Variants in SORCS2 observed in about 807,000 individuals in gnomAD.
SORCS2 encodes VPS10 domain-containing receptor SorCS2.
SORCS2 carries 100 observed loss-of-function variants against 141.6 expected under a neutral mutation model. The observed-to-expected ratio is 0.71, with a 90% CI of 0.60 to 0.83. The LOEUF is 0.83. Among genes scored for constraint, SORCS2 ranks in the 40% least tolerant of loss-of-function variants. The probability of loss-of-function intolerance (pLI) is 0.00; values close to 1 mark genes in which losing one functional copy is unlikely to be tolerated. For synonymous variants in SORCS2, 789 were observed against 676.9 expected, an observed-to-expected ratio of 1.17 and a Z score of -2.57; for missense variants, 1,646 against 1,560.2, an observed-to-expected ratio of 1.05 and a Z score of -0.93.
At position 7,663,968 on chromosome 4, in the gene SORCS2, G is replaced by A. The variant is rs1722340487; in HGVS notation, c.953-385G>A. Among the ~76,000 whole-genome samples the A allele has an allele frequency of 6.6e-6, 1 of 152,126 alleles. No individual in the cohort carries two copies. Among genetic ancestry groups the A allele is most frequent in the Admixed American group, 6.5e-5 (1 of 15,268 alleles). On this transcript the variant is annotated intron_variant, in intron 6 of 26. Transcript: ENST00000507866. The surrounding 1 kb of genome is among the most constrained non-coding windows in gnomAD (Gnocchi z 4.8). ...GGTAGAAGCAGTTGCTTAAAATTTG[G>A]GGGAAAAGAACCCTTGAGCCCCACC...
chr4:7,445,508 G>A (rs540311612), intron 2 of SORCS2, among the ~76,000 whole-genome samples: 33 of 152,244 alleles, frequency 2.2e-4, no homozygotes, highest in African/African-American at 5.3e-4. Flanking sequence ...GGCCTGGGGC[G>A]CGGCAGCAGG....
chr4:7,246,922 C>G (rs527727956), intron 1 of SORCS2, among the ~76,000 whole-genome samples: 1 of 152,376 alleles, frequency 6.6e-6, no homozygotes, highest in East Asian at 1.9e-4. Flanking sequence ...CTCCCTCCGT[C>G]CAGGCTCTAC....
intron 1 of SORCS2, among the ~76,000 whole-genome samples, chr4:7,325,557 G>C (rs113300023): frequency 6.6e-6 from 1 of 152,174 alleles, no homozygotes; most frequent in African/African-American, 2.4e-5. Flanking sequence ...GGCCTAAATG[G>C]GGCTGGGGGC....
chr4:7,582,059 C>T (rs1349256036), intron 3 of SORCS2, among the ~76,000 whole-genome samples: 3 of 152,068 alleles, frequency 2.0e-5, no homozygotes, highest in South Asian at 2.1e-4. Flanking sequence ...ATTTAGATAA[C>T]GATGATTTGG....
intron 2 of SORCS2, among the ~76,000 whole-genome samples, chr4:7,407,316 C>A (rs1026294036): frequency 2.0e-5 from 3 of 152,078 alleles, no homozygotes; most frequent in African/African-American, 7.2e-5. Context: ...CAGTCTATCT[C>A]TTCCTTTAGA....
chr4:7,246,777 G>A (rs1427759091), intron 1 of SORCS2, among the ~76,000 whole-genome samples: 7 of 152,202 alleles, frequency 4.6e-5, no homozygotes, highest in African/African-American at 7.2e-5. Flanking sequence ...AGCTGTGAGC[G>A]TGCGCTTTGG....
Position 7,645,079 on chromosome 4 carries a change from G to A in SORCS2, c.813+6587G>A, listed in dbSNP as rs540545376. ...ATGAGGCAGTGATGCCAATGGTAAC[G>A]CCATCCATTAATGTGGAGGCTTTAT... On this transcript the variant is annotated intron_variant, in intron 4 of 26. Coordinates refer to ENST00000507866, the MANE Select transcript of SORCS2 (RefSeq NM_020777.3). Among the ~76,000 whole-genome samples the A allele has an allele frequency of 5.4e-4, 83 of 152,310 alleles. 1 individual carries two copies. In the South Asian group the frequency reaches 7.9e-3, roughly 14 times the overall value.
At chr4:7,608,162 A>G (rs1260659578) in intron 3 of SORCS2, among the ~76,000 whole-genome samples, 1 of 152,012 alleles carries the variant, frequency 6.6e-6, no homozygotes, top group Non-Finnish European at 1.5e-5. Context: ...GAGTGTGGGT[A>G]TTTACACACC....
chr4:7,656,905 C>T (rs1052220039), intron 5 of SORCS2, among the ~76,000 whole-genome samples: 8 of 152,230 alleles, frequency 5.3e-5, no homozygotes, highest in Admixed American at 1.3e-4. Flanking sequence ...AAGTCAGTTC[C>T]CACCTCCCCA....
intron 1 of SORCS2, among the ~76,000 whole-genome samples, chr4:7,332,624 G>A (rs540350054): frequency 3.5e-4 from 54 of 152,332 alleles, no homozygotes; most frequent in African/African-American, 1.2e-3. Flanking sequence ...CACCCTGAAG[G>A]ACTCAAAACT....
chr4:7,676,355 T>A, intron 9 of SORCS2, 126 bp downstream of exon 9: 1 of 1,007,818 alleles, frequency 9.9e-7, no homozygotes, highest in Non-Finnish European at 1.4e-6. Context: ...TCTGCACACA[T>A]CTTCTGTACA....
intron 3 of SORCS2, among the ~76,000 whole-genome samples, chr4:7,607,644 C>T (rs769524247): frequency 6.6e-6 from 1 of 152,224 alleles, no homozygotes. Context: ...CAACTGCATC[C>T]AGTCATGGGT....
intron 2 of SORCS2, among the ~76,000 whole-genome samples, chr4:7,488,479 T>G (rs2080520101): frequency 6.6e-6 from 1 of 152,204 alleles, no homozygotes; most frequent in Non-Finnish European, 1.5e-5. Context: ...AGGTGCCCCC[T>G]CTACCTGGGC....
chr4:7,465,008 T>C (rs2109332494), intron 2 of SORCS2, among the ~76,000 whole-genome samples: 1 of 152,396 alleles, frequency 6.6e-6, no homozygotes, highest in African/African-American at 2.4e-5. Context: ...CTGGGGGTTC[T>C]GCCCAGGTTA....
chr4:7,738,269 C>T (rs1297532395), intron 26 of SORCS2, among the ~76,000 whole-genome samples: 2 of 152,264 alleles, frequency 1.3e-5, no homozygotes, highest in African/African-American at 2.4e-5. Context: ...ACCAGCCCTG[C>T]ATGCCGTGTC....
chr4:7,648,057 A>G lies in SORCS2; in HGVS notation c.814-6077A>G, dbSNP rs548567328. Among the ~76,000 whole-genome samples the G allele has an allele frequency of 3.6e-4, 55 of 151,650 alleles. No homozygotes were observed. The highest frequency in any genetic ancestry group is 1.3e-3 in the African/African-American group (54 of 41,294). On this transcript the variant is annotated intron_variant, in intron 4 of 26. Coordinates refer to ENST00000507866, the MANE Select transcript of SORCS2 (RefSeq NM_020777.3). The surrounding 1 kb of genome is among the most constrained non-coding windows in gnomAD (Gnocchi z 4.2). Reference sequence around the variant, plus strand: ...TGGAGTGGGGAAGTGGGGTGGCCTGAGATGGAATGGGGTGCCGGCCCCTGA... The same window carrying G: ...TGGAGTGGGGAAGTGGGGTGGCCTGGGATGGAATGGGGTGCCGGCCCCTGA...
chr4:7,243,152 C>T (rs1338775135), intron 1 of SORCS2, among the ~76,000 whole-genome samples: 1 of 152,190 alleles, frequency 6.6e-6, no homozygotes, highest in Admixed American at 6.5e-5. Flanking sequence ...CGCACAAGCT[C>T]TGGGGGATTG....
In SORCS2 at chr4:7,718,052, G is replaced by A. The variant is rs765234288; in HGVS notation, c.2293G>A (p.Asp765Asn). 1.2e-6 allele frequency: 2 copies of A among 1,609,100 alleles called. No individual in the cohort carries two copies. Among genetic ancestry groups the A allele is most frequent in the Non-Finnish European group, 1.7e-6 (2 of 1,177,754 alleles). The change falls in exon 18 of 27, where the codon GAC becomes AAC. Residue 765 changes from aspartate to asparagine, a missense_variant. Coordinates refer to ENST00000507866, the MANE Select transcript of SORCS2 (RefSeq NM_020777.3). ...VVSNVCEGGV[D>N]MQQSQVQLQC... is the part of the protein sequence containing the mutation. ...GTCCAACGTGTGTGAGGGTGGGGTGGACATGCAGCAGAGTCAGGTGCAGCT... is the reference window on the plus strand; with the variant it reads ...GTCCAACGTGTGTGAGGGTGGGGTGAACATGCAGCAGAGTCAGGTGCAGCT...
chr4:7,370,695 C>T lies in SORCS2; in HGVS notation c.481-25593C>T, dbSNP rs921650244. On this transcript the variant is annotated intron_variant, in intron 1 of 26. Coordinates refer to ENST00000507866, the MANE Select transcript of SORCS2 (RefSeq NM_020777.3). ...GTGCTATCCCGAGCTGGTGTCCCCA[C>T]GAGGCTCCACAGCCCTGACAATGCC... Among the ~76,000 whole-genome samples the T allele has an allele frequency of 9.2e-5, 14 of 152,198 alleles. 1 individual carries two copies. Among genetic ancestry groups the T allele is most frequent in the Non-Finnish European group, 1.3e-4 (9 of 68,024 alleles).
Sources: gnomAD v4.1 joint callset for allele counts (sites outside exome capture counted in the v4.1 genomes callset) on GRCh38, gnomAD v4.1.1 for gene constraint, Gnocchi (gnomAD v3.1) non-coding constraint, MANE v1.5 for transcripts, NCBI Gene and HGNC (gene_info 2026-07-23, HGNC 2026-07-21) for gene names.